HAUS2: variants seen among roughly 807,000 people sequenced by gnomAD.
HAUS2 encodes the protein HAUS augmin like complex subunit 2.
In HAUS2, 20 loss-of-function variants were observed where a neutral mutation model predicts 21.6. The observed-to-expected ratio is 0.93, with a 90% CI of 0.65 to 1.35. HAUS2 has a LOEUF of 1.35. HAUS2 is among the 40% of genes most tolerant of loss of function. The pLI is 0.00. For synonymous variants in HAUS2, 113 were observed against 95.6 expected, an observed-to-expected ratio of 1.18 and a Z score of -1.06; for missense variants, 297 against 280.7, an observed-to-expected ratio of 1.06 and a Z score of -0.42.
chr15:42,555,532 G>C (rs2057764094), intron 1 of HAUS2, among the ~76,000 whole-genome samples: 1 of 152,162 alleles, frequency 6.6e-6, no homozygotes, highest in Admixed American at 6.6e-5. Flanking sequence ...TAGCACTCAG[G>C]ATCATCTATG....
chr15:42,549,731 G>A (rs558927812), intron 1 of HAUS2, among the ~76,000 whole-genome samples: 32 of 135,808 alleles, frequency 2.4e-4, no homozygotes, highest in African/African-American at 8.5e-4. Context: ...TTACAGGCGT[G>A]AGCCACCGCG....
chr15:42,550,974 G>A (rs1164574934), intron 1 of HAUS2, among the ~76,000 whole-genome samples: 1 of 146,532 alleles, frequency 6.8e-6, no homozygotes, highest in African/African-American at 2.5e-5. Context: ...GCCCTCTCCT[G>A]TATTTTCTTT....
At chr15:42,563,660 C>T (rs1211694946) in intron 4 of HAUS2, 89 bp from the exon 5 acceptor site, 1 of 747,538 alleles carries the variant, frequency 1.3e-6, no homozygotes, top group East Asian at 2.5e-5. Context: ...ATTCTTATCT[C>T]AAATTAAAAG....
chr15:42,554,506 T>C (rs1360514229), intron 1 of HAUS2, among the ~76,000 whole-genome samples: 4 of 151,828 alleles, frequency 2.6e-5, no homozygotes, highest in African/African-American at 9.7e-5. Flanking sequence ...TTTTTTTTTT[T>C]TTAAGAGAGA....
chr15:42,548,976 G>T lies in HAUS2; in HGVS notation c.93+11G>T, dbSNP rs761336686. Reference sequence around the variant, plus strand: ...GGGATGGTCAATCAGGTACGTGGGGGTGGCGGTGGTGTCATCAAGGGGGTG... The same window carrying T: ...GGGATGGTCAATCAGGTACGTGGGGTTGGCGGTGGTGTCATCAAGGGGGTG... On this transcript the variant is annotated intron_variant, in intron 1 of 5. Transcript: ENST00000260372. The T allele has an allele frequency of 4.0e-6, 6 of 1,511,260 alleles. No homozygotes were observed. In the South Asian group the frequency reaches 4.8e-5, roughly 12 times the overall value. 93.6% of individuals were successfully genotyped at this position (1,511,260 alleles called of 1,614,324 possible).
At chr15:42,562,577 A>G (rs1325803822) in intron 4 of HAUS2, among the ~76,000 whole-genome samples, 1 of 152,176 alleles carries the variant, frequency 6.6e-6, no homozygotes, top group African/African-American at 2.4e-5. Flanking sequence ...CCTGGGCAAC[A>G]GGGTGAGACT....
chr15:42,553,053 C>A (rs2057740821), intron 1 of HAUS2, among the ~76,000 whole-genome samples: 1 of 148,046 alleles, frequency 6.8e-6, no homozygotes, highest in Non-Finnish European at 1.5e-5. Flanking sequence ...ATGGCACGAT[C>A]TCAGCTCACC....
intron 2 of HAUS2, 103 bp downstream of exon 2, chr15:42,558,393 T>C (rs2057810898): frequency 1.8e-6 from 1 of 560,350 alleles, no homozygotes; most frequent in East Asian, 3.4e-5. Flanking sequence ...AGTGGCACAA[T>C]CTCGGCTCAC....
At chr15:42,554,320 T>TA (rs1023894472) in intron 1 of HAUS2, among the ~76,000 whole-genome samples, 14 of 152,060 alleles carry the variant, frequency 9.2e-5, no homozygotes, top group African/African-American at 2.7e-4. Context: ...ACATATAACA[T>TA]AAAATTTACT....
At chr15:42,556,074 A>G (rs2057770346) in intron 1 of HAUS2, among the ~76,000 whole-genome samples, 1 of 148,902 alleles carries the variant, frequency 6.7e-6, no homozygotes, top group Non-Finnish European at 1.5e-5. Flanking sequence ...AGCCTCCCAA[A>G]CTAGCTGACT....
intron 5 of HAUS2, among the ~76,000 whole-genome samples, chr15:42,564,741 G>A (rs571155706): frequency 1.4e-4 from 21 of 152,276 alleles, no homozygotes; most frequent in South Asian, 4.1e-4. Context: ...CACCCGCCTC[G>A]GCCTCTTAAA....
intron 3 of HAUS2, 27 bp from the exon 4 acceptor site, chr15:42,561,243 A>G (rs759643548): frequency 1.8e-5 from 26 of 1,408,538 alleles, no homozygotes. Context: ...ATTGCTAACT[A>G]TAATTACTGT....
intron 5 of HAUS2, among the ~76,000 whole-genome samples, chr15:42,564,327 T>G (rs1265698953): frequency 6.6e-6 from 1 of 151,822 alleles, no homozygotes; most frequent in African/African-American, 2.4e-5. Flanking sequence ...GGATTTAACA[T>G]TTTCTTTTTT....
At chr15:42,562,508 T>C (rs1595555053) in intron 4 of HAUS2, among the ~76,000 whole-genome samples, 1 of 152,074 alleles carries the variant, frequency 6.6e-6, no homozygotes, top group Admixed American at 6.5e-5. Context: ...GGCAGGAAAA[T>C]CACTTGAACC....
intron 3 of HAUS2, chr15:42,560,640 A>G (rs2057839480): frequency 2.4e-6 from 1 of 412,306 alleles, no homozygotes; most frequent in Admixed American, 4.4e-5. Flanking sequence ...TTTTTTTAAG[A>G]GTGTGTCACT....
At chr15:42,551,599 C>T (rs1411639772) in intron 1 of HAUS2, among the ~76,000 whole-genome samples, 1 of 152,062 alleles carries the variant, frequency 6.6e-6, no homozygotes, top group African/African-American at 2.4e-5. Context: ...AAAGATCGTG[C>T]CACTGCACTC....
intron 5 of HAUS2, among the ~76,000 whole-genome samples, chr15:42,566,361 G>A (rs752492108): frequency 1.3e-5 from 2 of 152,142 alleles, no homozygotes; most frequent in Non-Finnish European, 2.9e-5. Context: ...CTGAATTTTA[G>A]GAAGGAAGTT....
At chr15:42,555,838 C>T (rs2057767279) in intron 1 of HAUS2, among the ~76,000 whole-genome samples, 1 of 152,140 alleles carries the variant, frequency 6.6e-6, no homozygotes, top group Non-Finnish European at 1.5e-5. Flanking sequence ...GTTGCAGCTA[C>T]ACAACTAGGT....
At chr15:42,549,835 G>C (rs1237250509) in intron 1 of HAUS2, among the ~76,000 whole-genome samples, 5 of 149,440 alleles carry the variant, frequency 3.3e-5, no homozygotes, top group Non-Finnish European at 7.4e-5. Context: ...TGGAGGAAGA[G>C]ATTAATTTTG....
Sources: gnomAD v4.1 joint callset for allele counts (sites outside exome capture counted in the v4.1 genomes callset) on GRCh38, gnomAD v4.1.1 for gene constraint, MANE v1.5 for transcripts, NCBI Gene and HGNC (gene_info 2026-07-23, HGNC 2026-07-21) for gene names.